Variants in FAM135A observed in about 807,000 individuals in gnomAD.
FAM135A encodes the protein protein FAM135A.
FAM135A carries 79 observed loss-of-function variants against 146.8 expected under a neutral mutation model. The observed-to-expected ratio is 0.54, with a 90% confidence interval of 0.45 to 0.65. The LOEUF is 0.65. Among genes scored for constraint, FAM135A ranks in the 30% least tolerant of loss-of-function variants. FAM135A has a pLI of 0.00. For synonymous variants in FAM135A, 562 were observed against 603.6 expected, an observed-to-expected ratio of 0.93 and a Z score of 1.01; for missense variants, 1,623 against 1,758.2, an observed-to-expected ratio of 0.92 and a Z score of 1.38.
chr6:70,486,423 A>G (rs1196415074), intron 10 of FAM135A, among the ~76,000 whole-genome samples: 1 of 152,172 alleles, frequency 6.6e-6, no homozygotes, highest in African/African-American at 2.4e-5. Context: ...TTAATTTCCT[A>G]ATTAATTTGT....
intron 5 of FAM135A, among the ~76,000 whole-genome samples, chr6:70,473,616 A>G (rs1201152905): frequency 6.6e-6 from 1 of 151,976 alleles, no homozygotes; most frequent in Non-Finnish European, 1.5e-5. Flanking sequence ...ATATGTGCCA[A>G]TCTCCTGTCA....
chr6:70,532,680 C>A (rs1231311965), intron 16 of FAM135A, among the ~76,000 whole-genome samples: 1 of 152,204 alleles, frequency 6.6e-6, no homozygotes, highest in Non-Finnish European at 1.5e-5. Context: ...CGCCTATAAT[C>A]CCAGCACTTT....
chr6:70,482,977 T>A (rs562665334), intron 10 of FAM135A, among the ~76,000 whole-genome samples: 16 of 152,284 alleles, frequency 1.1e-4, no homozygotes, highest in African/African-American at 3.4e-4. Flanking sequence ...TTATTGAATC[T>A]GTATTCTTAC....
intron 12 of FAM135A, among the ~76,000 whole-genome samples, chr6:70,507,176 A>G (rs998498611): frequency 6.6e-6 from 1 of 152,136 alleles, no homozygotes; most frequent in African/African-American, 2.4e-5. Context: ...GATAATAAAG[A>G]CAAAATAAGA....
At chr6:70,501,721 C>G (rs1443293540) in intron 11 of FAM135A, among the ~76,000 whole-genome samples, 1 of 152,184 alleles carries the variant, frequency 6.6e-6, no homozygotes, top group Non-Finnish European at 1.5e-5. Flanking sequence ...CTTTGCTTGG[C>G]TTGGGGAGGG....
intron 4 of FAM135A, among the ~76,000 whole-genome samples, chr6:70,450,644 T>C (rs1235791493): frequency 6.7e-6 from 1 of 150,078 alleles, no homozygotes; most frequent in Non-Finnish European, 1.5e-5. Flanking sequence ...TTTATGCCAG[T>C]ACCATGCTGT....
chr6:70,530,534 C>G (rs1461805698), intron 16 of FAM135A, among the ~76,000 whole-genome samples: 6 of 152,088 alleles, frequency 3.9e-5, no homozygotes, highest in Non-Finnish European at 8.8e-5. Flanking sequence ...ATCCACTAAA[C>G]TATTTTTGAA....
At chr6:70,534,441 C>A (rs1429546980) in intron 18 of FAM135A, among the ~76,000 whole-genome samples, 1 of 150,826 alleles carries the variant, frequency 6.6e-6, no homozygotes, top group African/African-American at 2.4e-5. Context: ...CACCTCAGCC[C>A]CCCAAGTAGC....
intron 2 of FAM135A, among the ~76,000 whole-genome samples, chr6:70,417,229 T>C (rs2127680380): frequency 6.6e-6 from 1 of 152,258 alleles, no homozygotes; most frequent in African/African-American, 2.4e-5. Context: ...TTCTAAATTA[T>C]GTTATAAATA....
At chr6:70,451,403 A>G (rs1562445185) in intron 4 of FAM135A, among the ~76,000 whole-genome samples, 1 of 152,212 alleles carries the variant, frequency 6.6e-6, no homozygotes, top group Non-Finnish European at 1.5e-5. Context: ...AAGAGTTCCT[A>G]GAAAACTTTG....
chr6:70,525,089 G>T lies in FAM135A; in HGVS notation c.2005G>T (p.Gly669Ter), dbSNP rs751979751. Reference protein sequence around the residue: ...IKPSNKDPFSGENITVKLGPW... With the variant: ...IKPSNKDPFS The stretch of plus-strand genomic sequence containing the variant: ...GCCCAGTAATAAAGATCCTTTCAGT[G>T]GAGAGAATATAACTGTCAAACTAGG... The change falls in exon 15 of 22, where the codon GGA becomes TGA. Residue 669 changes from glycine (G) to a stop codon, truncating the protein, a stop_gained. Transcript: ENST00000418814. LOFTEE classifies it high-confidence loss of function. 1 of 1,572,374 alleles carries T rather than the reference G, an allele frequency of 6.4e-7. No homozygotes were observed. The highest frequency in any genetic ancestry group is 2.2e-5 in the East Asian group (1 of 44,754).
chr6:70,473,624 TCACTG>T (rs1782038084), intron 5 of FAM135A, among the ~76,000 whole-genome samples: 1 of 152,148 alleles, frequency 6.6e-6, no homozygotes. Flanking sequence ...CAATCTCCTG[TCACTG>T]CTTCTTCTCC....
At chr6:70,529,961 G>A (rs1355631972) in intron 16 of FAM135A, among the ~76,000 whole-genome samples, 1 of 152,174 alleles carries the variant, frequency 6.6e-6, no homozygotes, top group Non-Finnish European at 1.5e-5. Flanking sequence ...CTACTCCGGA[G>A]GCTGAGGCAG....
chr6:70,446,472 A>G (rs550438806), intron 4 of FAM135A, among the ~76,000 whole-genome samples: 2 of 152,332 alleles, frequency 1.3e-5, no homozygotes, highest in South Asian at 2.1e-4. Flanking sequence ...TAATGATTCC[A>G]TAGGAATCAT....
intron 18 of FAM135A, 30 bp from the exon 19 acceptor site, chr6:70,536,230 G>A (rs1032375667): frequency 1.3e-6 from 2 of 1,565,842 alleles, no homozygotes; most frequent in South Asian, 1.2e-5. Context: ...CTAATGCTGT[G>A]AGAAAATTAA....
At chr6:70,430,290 C>T (rs1008532428) in intron 4 of FAM135A, among the ~76,000 whole-genome samples, 2 of 151,512 alleles carry the variant, frequency 1.3e-5, no homozygotes, top group Admixed American at 6.6e-5. Flanking sequence ...TGAGCCGACA[C>T]GGTGCCACTG....
chr6:70,558,759 C>T (rs573513695), intron 21 of FAM135A, among the ~76,000 whole-genome samples: 1 of 152,260 alleles, frequency 6.6e-6, no homozygotes, highest in East Asian at 1.9e-4. Context: ...GTGGAGGCTG[C>T]AGTGAGTTGT....
At chr6:70,526,802 C>T (rs111789818) in intron 15 of FAM135A, 104 bp downstream of exon 15, 87,185 of 519,634 alleles carry the variant, frequency 0.17, 9,017 homozygotes, top group African/African-American at 0.4. Context: ...CACACACACA[C>T]ATATATATAT....
chr6:70,417,820 C>T (rs763941707), intron 2 of FAM135A, among the ~76,000 whole-genome samples: 4 of 152,144 alleles, frequency 2.6e-5, no homozygotes, highest in Non-Finnish European at 5.9e-5. Flanking sequence ...TACCCTTTAC[C>T]ATCTCTTTTA....
Sources: gnomAD v4.1 joint callset for allele counts (sites outside exome capture counted in the v4.1 genomes callset) on GRCh38, gnomAD v4.1.1 for gene constraint, MANE v1.5 for transcripts, NCBI Gene and HGNC (gene_info 2026-07-23, HGNC 2026-07-21) for gene names.